The following PRPF3 variants were observed in gnomAD, a reference collection of about 807,000 sequenced individuals.
PRPF3 encodes the protein pre-mRNA processing factor 3, also known as U4/U6 small nuclear ribonucleoprotein Prp3.
Under a neutral mutation model 89.2 loss-of-function variants are expected in PRPF3, and 3 were observed. The observed-to-expected ratio is 0.03, with a 90% CI of 0.02 to 0.09. The LOEUF is 0.09. Ranked by LOEUF, PRPF3 falls within the 10% of genes least tolerant of loss-of-function variation. PRPF3 has a pLI of 1.00. For synonymous variants in PRPF3, 270 were observed against 289.1 expected (o/e 0.93, Z 0.67); for missense variants, 463 against 828.8 (o/e 0.56, Z 5.42).
chr1:150,333,238 A>G (rs1553866253), intron 6 of PRPF3, 39 bp downstream of exon 6: 4 of 1,597,758 alleles, frequency 2.5e-6, no homozygotes, highest in African/African-American at 1.3e-5. Flanking sequence ...TCATTTCTGA[A>G]GTTTGAGAAG....
chr1:150,327,753 T>G, intron 3 of PRPF3: 1 of 504,640 alleles, frequency 2.0e-6, no homozygotes, highest in Non-Finnish European at 2.6e-6. Context: ...GTTTCCATTG[T>G]TTGATGAAAA....
Position 150,332,575 on chromosome 1 carries a change from C to T in PRPF3, c.424-109C>T, listed in dbSNP as rs1252563470. 3.7e-6 allele frequency: 4 copies of T among 1,076,700 alleles called. No individual in the cohort carries two copies. The African/African-American group carries it at 6.2e-5, about 17-fold the overall frequency. The allele number at this position is 1,076,700 out of a possible 1,614,324, so 66.7% of individuals were successfully genotyped here. On this transcript the variant is annotated intron_variant, in intron 4 of 15. Transcript: ENST00000324862. ...GCAGGCAGAATGTGGTATAGTCATT[C>T]AAAACATTTTAAGTGTCTAGACCTG...
chr1:150,346,372 C>G, intron 13 of PRPF3, 36 bp from the exon 14 acceptor site: 1 of 1,587,538 alleles, frequency 6.3e-7, no homozygotes, highest in Non-Finnish European at 8.7e-7. Context: ...CATCATCTTC[C>G]ACAGTTCTGG....
intron 12 of PRPF3, 42 bp from the exon 13 acceptor site, chr1:150,345,976 G>C: frequency 6.7e-7 from 1 of 1,487,470 alleles, no homozygotes; most frequent in Non-Finnish European, 9.4e-7. Context: ...GGCAGCTGCT[G>C]ATGCTAAAAT....
chr1:150,332,937 G>A (rs1656579158), intron 5 of PRPF3, 42 bp from the exon 6 acceptor site: 1 of 1,571,382 alleles, frequency 6.4e-7, no homozygotes, highest in Non-Finnish European at 8.8e-7. Flanking sequence ...GTGTTTGTCT[G>A]CCTGTCTTAA....
chr1:150,324,288 T>C (rs1655451743), intron 1 of PRPF3, among the ~76,000 whole-genome samples: 1 of 152,158 alleles, frequency 6.6e-6, no homozygotes, highest in South Asian at 2.1e-4. Context: ...GGTTTGCAAG[T>C]CCTTGTTGAT....
intron 8 of PRPF3, 44 bp from the exon 9 acceptor site, chr1:150,340,354 T>C: frequency 1.4e-6 from 2 of 1,379,418 alleles, no homozygotes; most frequent in South Asian, 2.3e-5. Context: ...CTTAGAATCA[T>C]CTCTACCCGC....
chr1:150,327,586 A>G, intron 3 of PRPF3: 1 of 985,776 alleles, frequency 1.0e-6, no homozygotes, highest in African/African-American at 1.7e-5. Context: ...CCCCTGGCCG[A>G]GGATATGTCC....
intron 7 of PRPF3, among the ~76,000 whole-genome samples, chr1:150,337,040 C>CTTT (rs35026026): frequency 0.41 from 49,989 of 120,918 alleles, 12,335 homozygotes; most frequent in East Asian, 0.7. Flanking sequence ...CATAAAATTC[C>CTTT]TTTTTTTTTT....
At chr1:150,322,699 T>C (rs1553862442) in intron 1 of PRPF3, among the ~76,000 whole-genome samples, 1 of 152,178 alleles carries the variant, frequency 6.6e-6, no homozygotes, top group African/African-American at 2.4e-5. Context: ...TTATAGACTC[T>C]AGTATAGAGG....
chr1:150,335,365 C>T, intron 7 of PRPF3, 124 bp downstream of exon 7: 2 of 1,152,672 alleles, frequency 1.7e-6, no homozygotes, highest in South Asian at 2.7e-5. Flanking sequence ...AGTCCTCAAC[C>T]TTTTTGGCAC....
intron 1 of PRPF3, among the ~76,000 whole-genome samples, chr1:150,323,789 T>TTG (rs1179485823): frequency 3.4e-5 from 5 of 148,794 alleles, no homozygotes; most frequent in Non-Finnish European, 4.5e-5. Flanking sequence ...CTTTTTTTTT[T>TTG]TTTTTGAGAC....
chr1:150,349,281 G>T, intron 15 of PRPF3, 63 bp downstream of exon 15: 2 of 1,173,524 alleles, frequency 1.7e-6, no homozygotes, highest in South Asian at 2.4e-5. Flanking sequence ...TATACTATTT[G>T]AGTGGAGCAA....
chr1:150,353,061 A>T lies in PRPF3; in HGVS notation c.*82A>T, dbSNP rs1378883940. Reference sequence around the variant, plus strand: ...TTATTCTATTTCCCAACCCCCTCCCACTTGTTTGTGTGATCTCAGAACTGT... The same window carrying T: ...TTATTCTATTTCCCAACCCCCTCCCTCTTGTTTGTGTGATCTCAGAACTGT... On this transcript the variant is annotated 3_prime_UTR_variant, in exon 16 of 16. Coordinates refer to ENST00000324862, the MANE Select transcript of PRPF3 (RefSeq NM_004698.4). The T allele has an allele frequency of 1.3e-6, 2 of 1,573,284 alleles. No homozygotes were observed. Among genetic ancestry groups the T allele is most frequent in the Non-Finnish European group, 8.7e-7 (1 of 1,145,098 alleles).
intron 1 of PRPF3, among the ~76,000 whole-genome samples, chr1:150,323,206 A>G (rs1451833284): frequency 1.5e-5 from 1 of 68,892 alleles, no homozygotes. Flanking sequence ...TTGGAGACAC[A>G]GTTTCACTCT....
rs587656589 is a variant in PRPF3, at chr1:150,347,343, A to G, written c.1843+852A>G. 4.0e-3 allele frequency among the ~76,000 whole-genome samples: 601 copies of G among 151,998 alleles called. 4 individuals are homozygous for G. The highest frequency in any genetic ancestry group is 7.1e-3 in the Non-Finnish European group (486 of 67,998). On this transcript the variant is annotated intron_variant, in intron 14 of 15. Coordinates refer to ENST00000324862, the MANE Select transcript of PRPF3 (RefSeq NM_004698.4). ...ACATACACACAATACACACACATAC[A>G]TGTACATGTACATACTCACACATAT... is the stretch of plus-strand genomic sequence containing the variant.
intron 15 of PRPF3, among the ~76,000 whole-genome samples, chr1:150,350,349 G>A (rs1237437560): frequency 6.6e-6 from 1 of 151,892 alleles, no homozygotes; most frequent in Admixed American, 6.6e-5. Flanking sequence ...TTACAGGCAT[G>A]AGCCACCACG....
At chr1:150,322,118 T>A (rs1655118057) in intron 1 of PRPF3, among the ~76,000 whole-genome samples, 1 of 152,154 alleles carries the variant, frequency 6.6e-6, no homozygotes, top group Non-Finnish European at 1.5e-5. Context: ...GGCTGTTTAG[T>A]TTGCACGTCA....
chr1:150,323,065 C>T (rs1655251367), intron 1 of PRPF3, among the ~76,000 whole-genome samples: 1 of 148,244 alleles, frequency 6.7e-6, no homozygotes, highest in African/African-American at 2.5e-5. Flanking sequence ...AATAGGGATG[C>T]GGTTTCACCA....
Sources: gnomAD v4.1 joint callset for allele counts (sites outside exome capture counted in the v4.1 genomes callset) on GRCh38, gnomAD v4.1.1 for gene constraint, MANE v1.5 for transcripts, NCBI Gene and HGNC (gene_info 2026-07-23, HGNC 2026-07-21) for gene names.